Variants in ENTPD1 observed in about 807,000 individuals in gnomAD.
ENTPD1 encodes the protein ATP diphosphohydrolase.
Under a neutral mutation model 57.0 loss-of-function variants are expected in ENTPD1, and 33 were observed. That is an observed-to-expected ratio of 0.58 (90% CI 0.44 to 0.77). The LOEUF (loss-of-function observed/expected upper bound fraction) is 0.77. Among genes scored for constraint, ENTPD1 ranks in the 30% least tolerant of loss-of-function variants. The pLI, the probability that ENTPD1 is intolerant of heterozygous loss-of-function variation, is 0.00. For missense variants in ENTPD1, 501 were observed against 603.4 expected, an observed-to-expected ratio of 0.83 and a Z score of 1.78; for synonymous variants, 202 against 218.8, an observed-to-expected ratio of 0.92 and a Z score of 0.68.
At chr10:95,826,571 CA>C (rs35615283) in intron 2 of ENTPD1, among the ~76,000 whole-genome samples, 12,551 of 107,578 alleles carry the variant, frequency 0.12, 352 homozygotes, top group Middle Eastern at 0.19. Flanking sequence ...GACGCCAACT[CA>C]AAAAAAAAAA....
rs1414161603 is a variant in ENTPD1, at chr10:95,868,513, A to G, written c.*2130A>G. 2.0e-6 allele frequency: 2 copies of G among 985,320 alleles called. No individual in the cohort carries two copies. The highest frequency in any genetic ancestry group is 1.7e-5 in the African/African-American group (1 of 57,216). The allele number at this position is 985,320 out of a possible 1,614,324, so 61.0% of individuals were successfully genotyped here. ...TGACATCAAATAGTGGCCGATGATG[A>G]TGAAAATAAAGGTCAAATAAGTTGA... On this transcript the variant is annotated 3_prime_UTR_variant, in exon 10 of 10. Transcript: ENST00000371205.
chr10:95,857,835 A>C lies in ENTPD1; in HGVS notation c.1075-2634A>C, dbSNP rs1316988255. ...CAGGCAGACATGAGACCAGAAACAC[A>C]AACAAAGGCAAATCCGACTGCTGCA... On this transcript the variant is annotated intron_variant, in intron 7 of 9. Transcript: ENST00000371205. 4.6e-5 allele frequency among the ~76,000 whole-genome samples: 7 copies of C among 152,296 alleles called. No individual in the cohort carries two copies. In the East Asian group the frequency reaches 1.4e-3, roughly 29 times the overall value.
intron 1 of ENTPD1, among the ~76,000 whole-genome samples, chr10:95,725,468 A>G (rs941017814): frequency 4.0e-5 from 6 of 151,620 alleles, no homozygotes; most frequent in Admixed American, 1.3e-4. Flanking sequence ...ATTCTGTTTT[A>G]TTTTTCTGAG....
At chr10:95,729,638 A>G (rs1417682600) in intron 1 of ENTPD1, among the ~76,000 whole-genome samples, 1 of 152,218 alleles carries the variant, frequency 6.6e-6, no homozygotes, top group Non-Finnish European at 1.5e-5. Context: ...AGCAAAAAGA[A>G]TGGCAACTTT....
chr10:95,866,933 A>G lies in ENTPD1; in HGVS notation c.*550A>G, dbSNP rs764929194. On this transcript the variant is annotated 3_prime_UTR_variant, in exon 10 of 10. Coordinates refer to ENST00000371205, the MANE Select transcript of ENTPD1 (RefSeq NM_001776.6). ...AGTAGGCAAATATGTGCTAAAGCCAAAGAGTTTTATAAGGAAATATATGTG... is the reference window on the plus strand; with the variant it reads ...AGTAGGCAAATATGTGCTAAAGCCAGAGAGTTTTATAAGGAAATATATGTG... 11 of 1,013,392 alleles carry G rather than the reference A, an allele frequency of 1.1e-5. No individual in the cohort carries two copies. The highest frequency in any genetic ancestry group is 1.3e-5 in the Non-Finnish European group (11 of 845,832). The allele number at this position is 1,013,392 out of a possible 1,614,324, so 62.8% of individuals were successfully genotyped here. A position where few individuals can be genotyped will look rare whatever the true frequency, so the allele number is the denominator to read the frequency against.
Position 95,834,300 on chromosome 10 carries a change from A to C in ENTPD1, c.145-5391A>C, listed in dbSNP as rs186276921. 2.8e-3 allele frequency among the ~76,000 whole-genome samples: 430 copies of C among 152,342 alleles called. 1 individual carries two copies. The highest frequency in any genetic ancestry group is 4.6e-3 in the Non-Finnish European group (312 of 68,036). On this transcript the variant is annotated intron_variant, in intron 2 of 9. Transcript: ENST00000371205. ...TGTAGCTTACAATCTAATAATAAAG[A>C]TAGATATTAATCAAATAGCTGCATA...
intron 5 of ENTPD1, 27 bp downstream of exon 5, chr10:95,844,662 G>GTGGC: frequency 3.1e-6 from 5 of 1,613,770 alleles, no homozygotes; most frequent in Non-Finnish European, 4.2e-6. Context: ...ATCCATGGAG[G>GTGGC]TGGCTCTCTG....
chr10:95,710,409 A>T (rs1024550913), upstream of ENTPD1, among the ~76,000 whole-genome samples: 9 of 152,040 alleles, frequency 5.9e-5, no homozygotes, highest in South Asian at 4.2e-4. Flanking sequence ...TTTTAAAAAA[A>T]ATTTTTTTTA....
At chr10:95,847,382 C>T (rs1203538835) in intron 6 of ENTPD1, 64 bp from the exon 7 acceptor site, 10 of 1,595,316 alleles carry the variant, frequency 6.3e-6, no homozygotes, top group Non-Finnish European at 7.7e-6. Context: ...TTGATTAAGT[C>T]AGACTGTACC....
chr10:95,741,289 A>T (rs899348434), intron 1 of ENTPD1, among the ~76,000 whole-genome samples: 1 of 152,166 alleles, frequency 6.6e-6, no homozygotes, highest in Non-Finnish European at 1.5e-5. Context: ...GGAGAGGAGG[A>T]GATAGTGGGA....
intron 1 of ENTPD1, among the ~76,000 whole-genome samples, chr10:95,798,509 G>A (rs561556421): frequency 6.6e-6 from 1 of 152,222 alleles, no homozygotes; most frequent in South Asian, 2.1e-4. Flanking sequence ...TGAGAGAATG[G>A]GTGGAGGGTA....
intron 6 of ENTPD1, among the ~76,000 whole-genome samples, chr10:95,847,231 C>G (rs750691471): frequency 6.6e-6 from 1 of 152,046 alleles, no homozygotes; most frequent in Non-Finnish European, 1.5e-5. Flanking sequence ...CTTTGACTAG[C>G]CAAATACATT....
At chr10:95,768,114 T>C (rs1339649894) in intron 1 of ENTPD1, among the ~76,000 whole-genome samples, 2 of 152,248 alleles carry the variant, frequency 1.3e-5, no homozygotes, top group Non-Finnish European at 2.9e-5. Flanking sequence ...CTGTTGTTTA[T>C]AAATGACTCA....
intron 1 of ENTPD1, among the ~76,000 whole-genome samples, chr10:95,722,454 T>C (rs2139829948): frequency 1.3e-5 from 2 of 152,238 alleles, no homozygotes; most frequent in Middle Eastern, 6.8e-3. Flanking sequence ...CACCATGGAA[T>C]ACTATGCAGC....
chr10:95,843,348 C>T (rs1734903659), intron 4 of ENTPD1: 1 of 152,092 alleles, frequency 6.6e-6, no homozygotes, highest in African/African-American at 2.4e-5. Context: ...AGTAGTTCTG[C>T]ATAGATAGAA....
chr10:95,781,051 T>C (rs2098155592), intron 1 of ENTPD1, among the ~76,000 whole-genome samples: 1 of 152,208 alleles, frequency 6.6e-6, no homozygotes, highest in Admixed American at 6.5e-5. Context: ...GTGGTACATA[T>C]ACACAATGGA....
chr10:95,839,549 G>A (rs1203570466), intron 2 of ENTPD1, 142 bp from the exon 3 acceptor site: 2 of 818,994 alleles, frequency 2.4e-6, no homozygotes, highest in East Asian at 4.9e-5. Flanking sequence ...TGTGATCGGA[G>A]TGACTCCAGT....
intron 1 of ENTPD1, among the ~76,000 whole-genome samples, chr10:95,718,694 G>A (rs532224270): frequency 1.3e-5 from 2 of 152,224 alleles, no homozygotes; most frequent in Admixed American, 6.5e-5. Context: ...TCTGCCAGCT[G>A]AGCACTAGTT....
At chr10:95,785,707 AG>A (rs1453556306) in intron 1 of ENTPD1, among the ~76,000 whole-genome samples, 1 of 152,182 alleles carries the variant, frequency 6.6e-6, no homozygotes, top group Non-Finnish European at 1.5e-5. Context: ...CTAATAATTA[AG>A]AGCTTAGAAT....
Sources: allele counts gnomAD v4.1 joint callset (sites outside exome capture counted in the v4.1 genomes callset), GRCh38; gene constraint gnomAD v4.1.1; transcripts MANE v1.5; gene names NCBI Gene and HGNC (gene_info 2026-07-23, HGNC 2026-07-21).